The following SPIDR variants were observed in gnomAD, a reference collection of about 807,000 sequenced individuals.
SPIDR encodes the protein DNA repair-scaffolding protein.
SPIDR carries 93 observed loss-of-function variants against 104.6 expected under a neutral mutation model. That is an observed-to-expected ratio of 0.89 (90% confidence interval 0.75 to 1.06). The LOEUF (loss-of-function observed/expected upper bound fraction) is 1.06, where lower values mean the gene tolerates loss of function less well. SPIDR is among the 50% of genes least tolerant of loss of function. The pLI, the probability that SPIDR is intolerant of heterozygous loss-of-function variation, is 0.00. For synonymous variants in SPIDR, 431 were observed against 416.9 expected (o/e 1.03, Z -0.41); for missense variants, 1,154 against 1,111.2 (o/e 1.04, Z -0.55).
intron 10 of SPIDR, among the ~76,000 whole-genome samples, chr8:47,620,558 G>A (rs975650302): frequency 4.1e-5 from 6 of 144,964 alleles, no homozygotes; most frequent in Admixed American, 1.4e-4. Context: ...ATGAGCCACC[G>A]CACCCGGCCC....
At chr8:47,325,570 T>C (rs1402903808) in intron 5 of SPIDR, among the ~76,000 whole-genome samples, 1 of 152,196 alleles carries the variant, frequency 6.6e-6, no homozygotes, top group Non-Finnish European at 1.5e-5. Context: ...ATTAGAAATA[T>C]TTTGGAAGGA....
chr8:47,516,877 A>G (rs933852340), intron 8 of SPIDR, among the ~76,000 whole-genome samples: 5 of 152,136 alleles, frequency 3.3e-5, no homozygotes, highest in Non-Finnish European at 5.9e-5. Flanking sequence ...GCATCATTTT[A>G]TATTCCTACC....
At chr8:47,466,958 A>AG (rs2074961460) in intron 8 of SPIDR, among the ~76,000 whole-genome samples, 3 of 149,494 alleles carry the variant, frequency 2.0e-5, no homozygotes, top group Non-Finnish European at 3.0e-5. Context: ...GATATAAAAA[A>AG]TAGACTGCTA....
At chr8:47,339,127 T>C (rs2050274457) in intron 5 of SPIDR, among the ~76,000 whole-genome samples, 2 of 152,212 alleles carry the variant, frequency 1.3e-5, no homozygotes, top group Non-Finnish European at 2.9e-5. Flanking sequence ...ATATCATCTT[T>C]CAGAAATGAT....
At chr8:47,365,361 T>G (rs1416962496) in intron 5 of SPIDR, among the ~76,000 whole-genome samples, 1 of 152,220 alleles carries the variant, frequency 6.6e-6, no homozygotes, top group Admixed American at 6.5e-5. Flanking sequence ...TTTGAAGATA[T>G]GTTGCCTGCC....
chr8:47,653,810 G>A (rs187917741), intron 10 of SPIDR, among the ~76,000 whole-genome samples: 1 of 151,824 alleles, frequency 6.6e-6, no homozygotes, highest in Admixed American at 6.6e-5. Context: ...AGAGAAAAGA[G>A]CTCCTCAAGT....
intron 5 of SPIDR, among the ~76,000 whole-genome samples, chr8:47,347,324 A>G (rs2052335511): frequency 6.6e-6 from 1 of 152,068 alleles, no homozygotes; most frequent in South Asian, 2.1e-4. Context: ...GTTTGTTATG[A>G]TTTCTGTTCT....
At position 47,280,224 on chromosome 8, in the gene SPIDR, A is replaced by T. The variant is rs868940234; in HGVS notation, c.189+207A>T. ...GTTAGTATTCACCTTTTTATTTTTT[A>T]TTTTTTTTTTATTTTATTTATTTAT... On this transcript the variant is annotated intron_variant, in intron 2 of 19. Coordinates refer to ENST00000297423, the MANE Select transcript of SPIDR (RefSeq NM_001080394.4). Among the ~76,000 whole-genome samples the T allele has an allele frequency of 6.5e-3, 945 of 146,340 alleles. 5 individuals are homozygous for T. Among genetic ancestry groups the T allele is most frequent in the Middle Eastern group, 0.021 (6 of 284 alleles).
chr8:47,500,042 T>C (rs1361488432), intron 8 of SPIDR, among the ~76,000 whole-genome samples: 1 of 152,216 alleles, frequency 6.6e-6, no homozygotes, highest in Non-Finnish European at 1.5e-5. Context: ...CAGTCTATCA[T>C]TGATGGACGT....
rs537151381 is a variant in SPIDR at position 47,358,108 on chromosome 8, G to C, written c.526-38268G>C. ...ATTCATTTGTTTTAGGTCTCGCTCT[G>C]TTGCCCACAGTGGAGTGCAGTGGCT... On this transcript the variant is annotated intron_variant, in intron 5 of 19. Coordinates refer to ENST00000297423, the MANE Select transcript of SPIDR (RefSeq NM_001080394.4). 4.6e-5 allele frequency among the ~76,000 whole-genome samples: 7 copies of C among 152,262 alleles called. No individual in the cohort carries two copies. The South Asian group carries it at 1.2e-3, about 27-fold the overall frequency.
chr8:47,567,447 G>A (rs1399665482), intron 8 of SPIDR, among the ~76,000 whole-genome samples: 4 of 151,920 alleles, frequency 2.6e-5, no homozygotes, highest in East Asian at 3.9e-4. Flanking sequence ...TCGAACTCCC[G>A]ACCTCAGTTG....
intron 1 of SPIDR, among the ~76,000 whole-genome samples, chr8:47,269,696 T>C (rs369640279): frequency 3.0e-4 from 45 of 152,350 alleles, no homozygotes; most frequent in African/African-American, 1.1e-3. Context: ...CAGTCAAATA[T>C]TGAATGTAAG....
chr8:47,341,142 T>A (rs994275793), intron 5 of SPIDR, among the ~76,000 whole-genome samples: 1 of 152,214 alleles, frequency 6.6e-6, no homozygotes, highest in Admixed American at 6.5e-5. Flanking sequence ...GGGTCTGTGC[T>A]AACTCAGGTA....
At chr8:47,268,670 C>T (rs1159743333) in intron 1 of SPIDR, among the ~76,000 whole-genome samples, 6 of 152,258 alleles carry the variant, frequency 3.9e-5, no homozygotes, top group African/African-American at 1.4e-4. Flanking sequence ...GTTGCCCAGG[C>T]TGGTCTCAAA....
At chr8:47,347,709 CT>C (rs782814252) in intron 5 of SPIDR, among the ~76,000 whole-genome samples, 24 of 152,238 alleles carry the variant, frequency 1.6e-4, no homozygotes, top group Admixed American at 6.5e-4. Flanking sequence ...TAATGGCCTT[CT>C]TTGTCTCTTT....
chr8:47,312,746 T>G (rs1250161235), intron 5 of SPIDR, among the ~76,000 whole-genome samples: 1 of 152,226 alleles, frequency 6.6e-6, no homozygotes, highest in Non-Finnish European at 1.5e-5. Context: ...TTTGTCAATT[T>G]TGGCTTTTGT....
chr8:47,276,571 A>C (rs948842778), intron 1 of SPIDR, among the ~76,000 whole-genome samples: 6 of 152,254 alleles, frequency 3.9e-5, no homozygotes, highest in Non-Finnish European at 8.8e-5. Flanking sequence ...CAAAATAAAA[A>C]ACTGAAGAAA....
rs1463799774 is a variant in SPIDR at position 47,511,308 on chromosome 8, A to C, written c.1097+70766A>C. 4.4e-6 allele frequency: 6 copies of C among 1,352,176 alleles called. No homozygotes were observed. In the Admixed American group the frequency reaches 1.0e-4, roughly 23 times the overall value. The allele number at this position is 1,352,176 out of a possible 1,614,324, so 83.8% of individuals were successfully genotyped here. A position where few individuals can be genotyped will look rare whatever the true frequency, so the allele number is the denominator to read the frequency against. On this transcript the variant is annotated intron_variant, in intron 8 of 19. Coordinates refer to ENST00000297423, the MANE Select transcript of SPIDR (RefSeq NM_001080394.4). Reference sequence around the variant, plus strand: ...AGATGGAAGAGCTGGCTTTGGCTTCATTTTCTGCCAGTTGGACTGGAGAGA... The same window carrying C: ...AGATGGAAGAGCTGGCTTTGGCTTCCTTTTCTGCCAGTTGGACTGGAGAGA...
rs144169170 is a variant in SPIDR at position 47,551,783 on chromosome 8, A to T, written c.1098-44028A>T. Reference sequence around the variant, plus strand: ...GTCTCTATCTCCTTCAGTTCTGCTCAGATCTTAGTTATTTCTTGCCTTCTG... The same window carrying T: ...GTCTCTATCTCCTTCAGTTCTGCTCTGATCTTAGTTATTTCTTGCCTTCTG... On this transcript the variant is annotated intron_variant, in intron 8 of 19. Coordinates refer to ENST00000297423, the MANE Select transcript of SPIDR (RefSeq NM_001080394.4). Among the ~76,000 whole-genome samples the T allele has an allele frequency of 3.0e-3, 457 of 151,970 alleles. 3 individuals are homozygous for T. Among genetic ancestry groups the T allele is most frequent in the African/African-American group, 0.01 (426 of 41,488 alleles).
Sources: gnomAD v4.1 joint callset for allele counts (sites outside exome capture counted in the v4.1 genomes callset) on GRCh38, gnomAD v4.1.1 for gene constraint, MANE v1.5 for transcripts, NCBI Gene and HGNC (gene_info 2026-07-23, HGNC 2026-07-21) for gene names.